MDN1: variants seen among roughly 807,000 people sequenced by gnomAD.
MDN1 encodes midasin AAA ATPase 1.
Under a neutral mutation model 669.2 loss-of-function variants are expected in MDN1, and 266 were observed. That is an observed-to-expected ratio of 0.40 (90% confidence interval 0.36 to 0.44). The LOEUF is 0.44. MDN1 is among the 20% of genes least tolerant of loss of function. The probability of loss-of-function intolerance (pLI) is 1.00; values close to 1 mark genes in which losing one functional copy is unlikely to be tolerated. For synonymous variants in MDN1, 2,385 were observed against 2,457.1 expected, an observed-to-expected ratio of 0.97 and a Z score of 0.87; for missense variants, 5,940 against 6,754.0, an observed-to-expected ratio of 0.88 and a Z score of 4.22.
intron 32 of MDN1, among the ~76,000 whole-genome samples, chr6:89,739,796 G>C (rs1584295259): frequency 6.6e-6 from 1 of 152,164 alleles, no homozygotes; most frequent in Non-Finnish European, 1.5e-5. Context: ...ACCAGAAGAG[G>C]GTTCCTGGTT....
chr6:89,659,804 A>G (rs1169664029), intron 88 of MDN1, among the ~76,000 whole-genome samples: 2 of 152,252 alleles, frequency 1.3e-5, no homozygotes, highest in Non-Finnish European at 1.5e-5. Context: ...TTATTTTGAA[A>G]AAGTTTTATC....
In MDN1 at chr6:89,819,770, T is replaced by C. The variant is rs368594292; in HGVS notation, c.-163A>G. ...CCGGGAGAGGGGCACCACACGTGGGTGAGCACACGGCGTTTGACGTCATCA... is the reference window on the plus strand; with the variant it reads ...CCGGGAGAGGGGCACCACACGTGGGCGAGCACACGGCGTTTGACGTCATCA... On this transcript the variant is annotated 5_prime_UTR_variant, in exon 1 of 102. Transcript: ENST00000369393. 4 of 618,406 alleles carry C rather than the reference T, an allele frequency of 6.5e-6. No individual in the cohort carries two copies. Among genetic ancestry groups the C allele is most frequent in the African/African-American group, 3.7e-5 (2 of 54,230 alleles). The allele number at this position is 618,406 out of a possible 1,614,324, so 38.3% of individuals were successfully genotyped here.
chr6:89,799,911 A>G (rs1767520042), intron 2 of MDN1, among the ~76,000 whole-genome samples: 2 of 152,168 alleles, frequency 1.3e-5, no homozygotes, highest in South Asian at 2.1e-4. Flanking sequence ...ACCCCCTTTC[A>G]ATCACACCTG....
chr6:89,658,732 C>G lies in MDN1; in HGVS notation c.14899G>C (p.Asp4967His). The G allele has an allele frequency of 1.2e-6, 2 of 1,614,186 alleles. No homozygotes were observed. The highest frequency in any genetic ancestry group is 1.7e-6 in the Non-Finnish European group (2 of 1,180,036). Reference sequence around the variant, plus strand: ...TGTTCTTCAGGATGCTGAGCAGCATCTCCATCTTGGTCATCAGCTCCTGTG... The same window carrying G: ...TGTTCTTCAGGATGCTGAGCAGCATGTCCATCTTGGTCATCAGCTCCTGTG... ...MDTGADDQDG[D>H]AAQHPEEHSE... The change falls in exon 89 of 102, where the codon GAT (aspartate) becomes CAT (histidine). Residue 4967 changes from aspartate (D) to histidine (H), a missense_variant. Asp to His is a moderately conservative substitution (Grantham distance 81). Coordinates refer to ENST00000369393, the MANE Select transcript of MDN1 (RefSeq NM_014611.3).
In MDN1 at chr6:89,722,932, C is replaced by T. The variant is rs368690110; in HGVS notation, c.5967+23G>A. On this transcript the variant is annotated intron_variant, in intron 40 of 101. Transcript: ENST00000369393. ...ATCAACTTTCAGATGGAAAGAAATA[C>T]AAATACCAAGCGTGAAACTCACCTT... 144 of 1,585,574 alleles carry T rather than the reference C, an allele frequency of 9.1e-5. No homozygotes were observed. The African/African-American group carries it at 1.7e-3, about 19-fold the overall frequency.
intron 46 of MDN1, 126 bp downstream of exon 46, chr6:89,714,417 A>T: frequency 1.1e-6 from 1 of 921,376 alleles, no homozygotes; most frequent in Non-Finnish European, 1.6e-6. Flanking sequence ...CCACATTTTT[A>T]ACAAGCTTTC....
intron 11 of MDN1, 132 bp downstream of exon 11, chr6:89,780,080 A>AG (rs1818585772): frequency 1.8e-6 from 1 of 554,738 alleles, no homozygotes; most frequent in East Asian, 3.3e-5. Context: ...AAAAAAAAAA[A>AG]CAAAAAAAGA....
chr6:89,738,747 C>G (rs1816135423), intron 32 of MDN1, among the ~76,000 whole-genome samples: 1 of 152,136 alleles, frequency 6.6e-6, no homozygotes, highest in Non-Finnish European at 1.5e-5. Context: ...TGAACTCTTC[C>G]CCTCAGGCAA....
chr6:89,661,713 C>A, intron 87 of MDN1, 135 bp from the exon 88 acceptor site: 3 of 881,024 alleles, frequency 3.4e-6, no homozygotes, highest in Middle Eastern at 3.4e-4. Flanking sequence ...ATTATCTGCA[C>A]ACATTAGTAT....
intron 74 of MDN1, among the ~76,000 whole-genome samples, chr6:89,680,225 G>A (rs1328226730): frequency 2.0e-5 from 3 of 152,226 alleles, no homozygotes; most frequent in Non-Finnish European, 4.4e-5. Context: ...AGAGGATGGG[G>A]ATGAATCCTC....
chr6:89,720,136 A>T (rs1262971611), intron 40 of MDN1, among the ~76,000 whole-genome samples: 1 of 152,224 alleles, frequency 6.6e-6, no homozygotes, highest in African/African-American at 2.4e-5. Flanking sequence ...TAAAATCATA[A>T]TCAGTGTCAA....
At chr6:89,746,621 AAG>A (rs1562173123) in intron 27 of MDN1, among the ~76,000 whole-genome samples, 1 of 38,498 alleles carries the variant, frequency 2.6e-5, no homozygotes, top group Non-Finnish European at 5.1e-5. Context: ...AAAAGAAAGA[AAG>A]AAAGAAAGAA....
intron 54 of MDN1, 69 bp downstream of exon 54, chr6:89,701,835 C>T (rs192390571): frequency 1.6e-5 from 25 of 1,540,894 alleles, no homozygotes; most frequent in African/African-American, 1.2e-4. Flanking sequence ...GAAACAGTTT[C>T]GGTTCCAAAT....
chr6:89,679,495 G>A (rs1811454100), intron 74 of MDN1, among the ~76,000 whole-genome samples: 1 of 152,196 alleles, frequency 6.6e-6, no homozygotes, highest in East Asian at 1.9e-4. Context: ...GAATGTGACT[G>A]TATCTGGAGA....
chr6:89,806,852 G>A (rs1430851698), intron 1 of MDN1, among the ~76,000 whole-genome samples: 3 of 151,846 alleles, frequency 2.0e-5, no homozygotes, highest in Non-Finnish European at 2.9e-5. Flanking sequence ...CTAGGAGTTC[G>A]AGGCTGCACT....
At chr6:89,732,851 CA>C in intron 33 of MDN1, 76 bp from the exon 34 acceptor site, 1 of 1,353,464 alleles carries the variant, frequency 7.4e-7, no homozygotes, top group Non-Finnish European at 1.0e-6. Flanking sequence ...CAGGGGCACA[CA>C]AATGGCCTAA....
At position 89,710,676 on chromosome 6, in the gene MDN1, C is replaced by A. The variant is rs749071481; in HGVS notation, c.7765+5G>T. ...TGCTGAGAGCTAGAAATCAAAAGTG[C>A]ATACCTGTTGTATTTGGTTGTAATA... On this transcript the variant is annotated splice_donor_5th_base_variant and intron_variant, in intron 50 of 101. Coordinates refer to ENST00000369393, the MANE Select transcript of MDN1 (RefSeq NM_014611.3). 4 of 1,511,728 alleles carry A rather than the reference C, an allele frequency of 2.6e-6. No homozygotes were observed. The highest frequency in any genetic ancestry group is 2.5e-5 in the South Asian group (2 of 79,884). The allele number at this position is 1,511,728 out of a possible 1,614,324, so 93.6% of individuals were successfully genotyped here.
chr6:89,647,131 T>C (rs1405648148), intron 99 of MDN1, among the ~76,000 whole-genome samples: 1 of 152,184 alleles, frequency 6.6e-6, no homozygotes, highest in East Asian at 1.9e-4. Context: ...CTCTAACATA[T>C]AACCCACTAG....
chr6:89,675,370 T>G (rs992463993), intron 78 of MDN1, 94 bp downstream of exon 78: 5 of 1,000,790 alleles, frequency 5.0e-6, no homozygotes, highest in African/African-American at 1.6e-5. Flanking sequence ...ATTGAGAGCA[T>G]GTCTTATTCC....
Sources: gnomAD v4.1 joint callset for allele counts (sites outside exome capture counted in the v4.1 genomes callset) on GRCh38, gnomAD v4.1.1 for gene constraint, MANE v1.5 for transcripts, NCBI Gene and HGNC (gene_info 2026-07-23, HGNC 2026-07-21) for gene names.